Variants in XNDC1N observed in about 807,000 individuals in gnomAD.
XNDC1N encodes protein XNDC1N.
chr11:71,887,537 T>C, the XNDC1N span, among the ~76,000 whole-genome samples: 2 of 149,526 alleles, frequency 1.3e-5, no homozygotes, highest in South Asian at 2.1e-4. Flanking sequence ...TGGCCAAGAG[T>C]ATGGGCAGAA....
the XNDC1N span, among the ~76,000 whole-genome samples, chr11:71,908,352 TTAGTA>T: frequency 6.6e-6 from 1 of 151,752 alleles, no homozygotes; most frequent in East Asian, 1.9e-4. Context: ...ATTGTTATCT[TTAGTA>T]TAAGTATTTA....
chr11:71,873,967 T>C, the XNDC1N span, among the ~76,000 whole-genome samples: 4 of 152,168 alleles, frequency 2.6e-5, no homozygotes, highest in Non-Finnish European at 5.9e-5. Flanking sequence ...CCAGAGACAC[T>C]AGTGACTTGG....
the XNDC1N span, among the ~76,000 whole-genome samples, chr11:71,881,483 T>G: frequency 3.9e-5 from 6 of 152,322 alleles, no homozygotes; most frequent in South Asian, 1.0e-3. Context: ...GAGGCCTGTC[T>G]TGGCTTGCAG....
chr11:71,886,168 G>A, the XNDC1N span, among the ~76,000 whole-genome samples: 57 of 152,080 alleles, frequency 3.7e-4, no homozygotes, highest in Middle Eastern at 0.014. Context: ...CTTCACCTGC[G>A]TCAATCTTCT....
chr11:71,921,191 A>G, the XNDC1N span, among the ~76,000 whole-genome samples: 2 of 151,934 alleles, frequency 1.3e-5, no homozygotes, highest in African/African-American at 4.8e-5. Context: ...GGTCTTGCTC[A>G]TTACCTAGGG....
chr11:71,884,416 T>A, the XNDC1N span: 1 of 1,586,428 alleles, frequency 6.3e-7, no homozygotes, highest in South Asian at 1.2e-5. Context: ...GCCAGAAGCT[T>A]CACTTCTAAT....
chr11:71,882,730 T>C, the XNDC1N span, among the ~76,000 whole-genome samples: 6 of 152,198 alleles, frequency 3.9e-5, no homozygotes, highest in African/African-American at 1.4e-4. Context: ...AACATGATTC[T>C]AAAAGTTCTA....
chr11:71,894,256 GCT>G, the XNDC1N span: 3 of 408,638 alleles, frequency 7.3e-6, no homozygotes, highest in Non-Finnish European at 1.3e-5. Context: ...CTTGACTTCA[GCT>G]CTGTCACCAC....
chr11:71,903,973 G>A, the XNDC1N span: 3 of 507,890 alleles, frequency 5.9e-6, no homozygotes, highest in African/African-American at 3.9e-5. Flanking sequence ...AGGGTACCTC[G>A]GTTCAGATGT....
At chr11:71,890,552 T>A in the XNDC1N span, among the ~76,000 whole-genome samples, 1 of 152,118 alleles carries the variant, frequency 6.6e-6, no homozygotes, top group African/African-American at 2.4e-5. Context: ...GATATTGGTA[T>A]GAATACTATC....
chr11:71,917,223 A>T, the XNDC1N span: 1 of 585,188 alleles, frequency 1.7e-6, no homozygotes, highest in African/African-American at 1.9e-5. Flanking sequence ...CATGCTGGCC[A>T]GGCTGGTCTC....
chr11:71,913,186 C>T, the XNDC1N span, among the ~76,000 whole-genome samples: 3 of 152,116 alleles, frequency 2.0e-5, no homozygotes, highest in East Asian at 1.9e-4. Flanking sequence ...ACCCCACCTG[C>T]GATATTGGGA....
chr11:71,917,777 C>T, the XNDC1N span: 3 of 703,242 alleles, frequency 4.3e-6, no homozygotes, highest in Non-Finnish European at 7.8e-6. Context: ...CCACAGTTAC[C>T]TGGGGACAAA....
At chr11:71,909,701 G>A in the XNDC1N span, among the ~76,000 whole-genome samples, 2 of 152,146 alleles carry the variant, frequency 1.3e-5, no homozygotes, top group African/African-American at 2.4e-5. Context: ...GGAGCCACGG[G>A]GGTTTCAGCA....
At chr11:71,917,393 T>C in the XNDC1N span, 2 of 614,754 alleles carry the variant, frequency 3.3e-6, no homozygotes, top group Non-Finnish European at 5.8e-6. Flanking sequence ...TAAATATAAA[T>C]AGTTCATAAA....
At chr11:71,910,722 G>T in the XNDC1N span, among the ~76,000 whole-genome samples, 1 of 152,236 alleles carries the variant, frequency 6.6e-6, no homozygotes, top group Non-Finnish European at 1.5e-5. Context: ...CCCGGGGTCA[G>T]AACGAAAGCA....
chr11:71,909,288 T>C, the XNDC1N span, among the ~76,000 whole-genome samples: 1,675 of 141,792 alleles, frequency 0.012, 13 homozygotes, highest in Middle Eastern at 0.037. Flanking sequence ...GGCCCGGCGA[T>C]ATGCCGACCT....
the XNDC1N span, among the ~76,000 whole-genome samples, chr11:71,913,245 G>T: frequency 1.3e-5 from 2 of 152,056 alleles, no homozygotes; most frequent in African/African-American, 2.4e-5. Flanking sequence ...TATCACAGGG[G>T]TGTGGAAACC....
the XNDC1N span, among the ~76,000 whole-genome samples, chr11:71,889,686 G>C: frequency 4.6e-5 from 7 of 152,202 alleles, no homozygotes; most frequent in East Asian, 1.3e-3. Context: ...CGGTGAGGCA[G>C]CCATGTGTTA....
Sources: gnomAD v4.1 joint callset for allele counts (sites outside exome capture counted in the v4.1 genomes callset) on GRCh38, gnomAD v4.1.1 for gene constraint, MANE v1.5 for transcripts, NCBI Gene and HGNC (gene_info 2026-07-23, HGNC 2026-07-21) for gene names.